Variants in VSTM5 observed in about 807,000 individuals in gnomAD.
VSTM5 encodes the protein V-set and transmembrane domain containing 5, also known as V-set and transmembrane domain-containing protein 5.
A neutral mutation model predicts 20.3 loss-of-function variants in VSTM5; 21 were observed. The ratio of observed to expected loss-of-function variants is 1.03; its 90% confidence interval spans 0.73 to 1.49. The LOEUF (loss-of-function observed/expected upper bound fraction) is 1.49. Ranked by LOEUF, VSTM5 falls within the 40% of genes most tolerant of loss-of-function variation. The probability of loss-of-function intolerance (pLI) is 0.00; values close to 1 mark genes in which losing one functional copy is unlikely to be tolerated. For missense variants in VSTM5, 219 were observed against 250.0 expected (o/e 0.88, Z 0.84); for synonymous variants, 100 against 102.5 (o/e 0.98, Z 0.14).
At chr11:93,834,178 C>G (rs1472024728) in intron 1 of VSTM5, among the ~76,000 whole-genome samples, 1 of 152,198 alleles carries the variant, frequency 6.6e-6, no homozygotes, top group Non-Finnish European at 1.5e-5. Context: ...CTGGCAGACA[C>G]TATTCAGCAC....
chr11:93,838,942 G>T (rs570214537), intron 1 of VSTM5, among the ~76,000 whole-genome samples: 1 of 152,350 alleles, frequency 6.6e-6, no homozygotes, highest in Admixed American at 6.5e-5. Flanking sequence ...GAAAGACAGG[G>T]TCGGGGACCA....
chr11:93,834,602 GTA>G, intron 1 of VSTM5, among the ~76,000 whole-genome samples: 1 of 316 alleles, frequency 3.2e-3, no homozygotes, highest in African/African-American at 5.7e-3. Context: ...CATGGCACAT[GTA>G]AAGTCCGGGT....
Position 93,821,410 on chromosome 11 carries a change from A to AAATTTATT in VSTM5, c.92-88_92-87insAATAAATT, listed in dbSNP as rs1355727414. 4 of 1,212,038 alleles carry AAATTTATT rather than the reference A, an allele frequency of 3.3e-6. No homozygotes were observed. The African/African-American group carries it at 6.1e-5, about 18-fold the overall frequency. 75.1% of individuals were successfully genotyped at this position (1,212,038 alleles called of 1,614,324 possible). ...TATAATTTGTTGATCTATTACACAA[A>AAATTTATT]TATTTATTGTGTGCCTATTATATGC... On this transcript the variant is annotated intron_variant, in intron 1 of 3. Coordinates refer to ENST00000409977, the MANE Select transcript of VSTM5 (RefSeq NM_001144871.2).
At chr11:93,836,460 C>G (rs61906579) in intron 1 of VSTM5, among the ~76,000 whole-genome samples, 20,582 of 152,230 alleles carry the variant, frequency 0.14, 1,453 homozygotes, top group Non-Finnish European at 0.15. Flanking sequence ...GCCCTCATAC[C>G]CTGAGATCCA....
Position 93,828,859 on chromosome 11 carries a change from C to T in VSTM5, c.92-7536G>A, listed in dbSNP as rs140932217. 4.5e-3 allele frequency among the ~76,000 whole-genome samples: 678 copies of T among 152,146 alleles called. 7 individuals are homozygous for T. Among genetic ancestry groups the T allele is most frequent in the South Asian group, 0.021 (99 of 4,806 alleles). Reference sequence around the variant, plus strand: ...CTGTTACAGTAGGGTGGGTGAGTGACGAGTGATATTACAAAAGGATCATTT... The same window carrying T: ...CTGTTACAGTAGGGTGGGTGAGTGATGAGTGATATTACAAAAGGATCATTT... On this transcript the variant is annotated intron_variant, in intron 1 of 3. Coordinates refer to ENST00000409977, the MANE Select transcript of VSTM5 (RefSeq NM_001144871.2).
intron 1 of VSTM5, chr11:93,827,531 C>G (rs1054369452): frequency 2.6e-5 from 4 of 152,178 alleles, no homozygotes; most frequent in Admixed American, 1.3e-4. Context: ...TCCAGAGAAA[C>G]TTAGCAGCTG....
In VSTM5 at chr11:93,841,117, G is replaced by A. The variant is rs192001524; in HGVS notation, c.91+9295C>T. 7.2e-5 allele frequency among the ~76,000 whole-genome samples: 11 copies of A among 151,746 alleles called. No homozygotes were observed. In the East Asian group the frequency reaches 1.9e-3, roughly 27 times the overall value. On this transcript the variant is annotated intron_variant, in intron 1 of 3. Transcript: ENST00000409977. ...CCTCTTCCAGGTCTCAGAGGGAAAGGGAGAGTGCCTTAGATTGGCCTCTGG... is the reference window on the plus strand; with the variant it reads ...CCTCTTCCAGGTCTCAGAGGGAAAGAGAGAGTGCCTTAGATTGGCCTCTGG...
chr11:93,823,894 G>A (rs1944210787), intron 1 of VSTM5, among the ~76,000 whole-genome samples: 1 of 136,446 alleles, frequency 7.3e-6, no homozygotes, highest in Non-Finnish European at 1.5e-5. Context: ...TACCCAGTAG[G>A]ATTGGTGGTT....
intron 1 of VSTM5, among the ~76,000 whole-genome samples, chr11:93,845,934 C>T (rs940659216): frequency 1.1e-4 from 16 of 152,248 alleles, no homozygotes; most frequent in African/African-American, 3.9e-4. Context: ...GGATGCCTCC[C>T]ATGACTGGCA....
At chr11:93,835,196 AG>A (rs1366666884) in intron 1 of VSTM5, among the ~76,000 whole-genome samples, 13 of 152,106 alleles carry the variant, frequency 8.5e-5, no homozygotes, top group Non-Finnish European at 1.9e-4. Flanking sequence ...AGGCTAAGGC[AG>A]GAGGAATGCT....
At chr11:93,830,942 G>C (rs1944278265) in intron 1 of VSTM5, among the ~76,000 whole-genome samples, 1 of 151,786 alleles carries the variant, frequency 6.6e-6, no homozygotes, top group African/African-American at 2.4e-5. Context: ...TTTTTTTGTA[G>C]AGATGGGGTT....
chr11:93,845,450 G>A (rs1430115312), intron 1 of VSTM5, among the ~76,000 whole-genome samples: 1 of 152,184 alleles, frequency 6.6e-6, no homozygotes, highest in Non-Finnish European at 1.5e-5. Context: ...AAAATGTCCT[G>A]TGCTCCTTTT....
At chr11:93,837,255 C>G (rs1304661833) in intron 1 of VSTM5, among the ~76,000 whole-genome samples, 1 of 152,154 alleles carries the variant, frequency 6.6e-6, no homozygotes, top group Non-Finnish European at 1.5e-5. Flanking sequence ...TGGTCTCGAA[C>G]TCCTGACCTC....
Position 93,819,844 on chromosome 11 carries a change from T to G in VSTM5, c.*725A>C, listed in dbSNP as rs1944164363. The G allele has an allele frequency of 6.6e-6, 1 of 152,156 alleles. No homozygotes were observed. Among genetic ancestry groups the G allele is most frequent in the Admixed American group, 6.6e-5 (1 of 15,258 alleles). 9.4% of individuals were successfully genotyped at this position (152,156 alleles called of 1,614,324 possible). A position where few individuals can be genotyped will look rare whatever the true frequency, so the allele number is the denominator to read the frequency against. On this transcript the variant is annotated 3_prime_UTR_variant, in exon 4 of 4. Transcript: ENST00000409977. Reference sequence around the variant, plus strand: ...TAAGTTTGAGCCATGGGAGGGAAAATCCAATTAACGTTGGAATGAGGGAGG... The same window carrying G: ...TAAGTTTGAGCCATGGGAGGGAAAAGCCAATTAACGTTGGAATGAGGGAGG...
At chr11:93,838,357 A>C (rs1395872264) in intron 1 of VSTM5, among the ~76,000 whole-genome samples, 1 of 152,160 alleles carries the variant, frequency 6.6e-6, no homozygotes, top group African/African-American at 2.4e-5. Flanking sequence ...CTGTAGACAT[A>C]GCTACTCGGG....
chr11:93,840,395 A>G (rs1363252106), intron 1 of VSTM5, among the ~76,000 whole-genome samples: 1 of 152,204 alleles, frequency 6.6e-6, no homozygotes. Context: ...ATCAAGATTG[A>G]TAACCACTGA....
At chr11:93,844,817 A>G (rs1260224201) in intron 1 of VSTM5, among the ~76,000 whole-genome samples, 2 of 152,158 alleles carry the variant, frequency 1.3e-5, no homozygotes, top group Non-Finnish European at 2.9e-5. Context: ...TTTGACTTAC[A>G]ATCCTTCAGT....
intron 1 of VSTM5, chr11:93,821,596 C>A (rs1053943714): frequency 1.6e-5 from 7 of 447,918 alleles, no homozygotes; most frequent in African/African-American, 9.9e-5. Flanking sequence ...ACCTTTGTAG[C>A]AAGGTGGACT....
intron 1 of VSTM5, among the ~76,000 whole-genome samples, chr11:93,839,332 CCGTGGACACATATGGCTT>C (rs970508531): frequency 3.3e-5 from 5 of 152,186 alleles, no homozygotes; most frequent in African/African-American, 9.7e-5. Context: ...GGAGCTGCTG[CCGTGGACACATATGGCTT>C]CTGGGGTCCT....
Sources: allele counts gnomAD v4.1 joint callset (sites outside exome capture counted in the v4.1 genomes callset), GRCh38; gene constraint gnomAD v4.1.1; transcripts MANE v1.5; gene names NCBI Gene and HGNC (gene_info 2026-07-23, HGNC 2026-07-21).